Variants in DOCK8 observed in about 807,000 individuals in gnomAD.
The protein encoded by DOCK8 is dedicator of cytokinesis protein 8.
In DOCK8, 141 loss-of-function variants were observed where a neutral mutation model predicts 245.6. That is an observed-to-expected ratio of 0.57 (90% CI 0.50 to 0.66). The LOEUF (loss-of-function observed/expected upper bound fraction) is 0.66, where lower values mean the gene tolerates loss of function less well. Among genes scored for constraint, DOCK8 ranks in the 30% least tolerant of loss-of-function variants. The pLI is 0.00. For missense variants in DOCK8, 2,965 were observed against 2,603.4 expected (o/e 1.14, Z -3.02); for synonymous variants, 1,168 against 970.2 (o/e 1.20, Z -3.79).
intron 1 of DOCK8, among the ~76,000 whole-genome samples, chr9:263,302 A>G (rs964593509): frequency 4.0e-5 from 6 of 151,484 alleles, no homozygotes; most frequent in African/African-American, 1.2e-4. Flanking sequence ...TCTTGTTGCT[A>G]TAGTCATTAC....
intron 26 of DOCK8, among the ~76,000 whole-genome samples, chr9:400,031 T>TCAC (rs1254405677): frequency 6.8e-5 from 4 of 58,548 alleles, no homozygotes; most frequent in Non-Finnish European, 9.4e-5. Context: ...ACCTCCACCA[T>TCAC]CACCACCACC....
chr9:369,441 C>G (rs2053179356), intron 15 of DOCK8: 1 of 152,292 alleles, frequency 6.6e-6, no homozygotes, highest in Admixed American at 6.5e-5. Context: ...TTTTTCTCTG[C>G]ACAAAGGTGA....
At chr9:403,892 C>CTCTCTCTA (rs1362630372) in intron 26 of DOCK8, among the ~76,000 whole-genome samples, 4 of 73,750 alleles carry the variant, frequency 5.4e-5, no homozygotes, top group Non-Finnish European at 6.8e-5. Context: ...CTCTCTCTCT[C>CTCTCTCTA]TATATATATA....
intron 15 of DOCK8, 118 bp from the exon 16 acceptor site, chr9:370,112 C>G (rs2053216633): frequency 1.1e-6 from 1 of 902,274 alleles, no homozygotes; most frequent in Non-Finnish European, 1.8e-6. Context: ...CAACCCAGCA[C>G]TCTTAATTGT....
intron 23 of DOCK8, among the ~76,000 whole-genome samples, chr9:387,011 A>T (rs953537316): frequency 6.6e-6 from 1 of 152,162 alleles, no homozygotes; most frequent in Non-Finnish European, 1.5e-5. Flanking sequence ...AAATTCCCCA[A>T]TCATAGTCCC....
intron 24 of DOCK8, among the ~76,000 whole-genome samples, chr9:392,247 A>G (rs1037326963): frequency 2.6e-5 from 4 of 152,176 alleles, no homozygotes; most frequent in Non-Finnish European, 5.9e-5. Flanking sequence ...ATGCTGAACA[A>G]TAGGACACAG....
intron 1 of DOCK8, among the ~76,000 whole-genome samples, chr9:230,491 G>A (rs2047088940): frequency 6.6e-6 from 1 of 152,006 alleles, no homozygotes; most frequent in Non-Finnish European, 1.5e-5. Flanking sequence ...CTTCCACAAT[G>A]GTTGAATTAG....
intron 35 of DOCK8, among the ~76,000 whole-genome samples, chr9:429,189 A>T (rs1376620157): frequency 6.6e-6 from 1 of 151,344 alleles, no homozygotes; most frequent in Non-Finnish European, 1.5e-5. Flanking sequence ...CTGGTCTTGA[A>T]CTCCTGACCT....
intron 24 of DOCK8, among the ~76,000 whole-genome samples, chr9:393,931 G>A (rs2054320218): frequency 6.6e-6 from 1 of 152,156 alleles, no homozygotes; most frequent in Non-Finnish European, 1.5e-5. Context: ...ACAGCAGCTG[G>A]CAGAAGCCTT....
At chr9:228,547 T>G (rs961808802) in intron 1 of DOCK8, among the ~76,000 whole-genome samples, 4 of 152,102 alleles carry the variant, frequency 2.6e-5, no homozygotes, top group Non-Finnish European at 5.9e-5. Flanking sequence ...ACAAACCACC[T>G]CCTGTGTGCT....
chr9:290,071 A>G (rs1027588721), intron 4 of DOCK8, among the ~76,000 whole-genome samples: 5 of 150,576 alleles, frequency 3.3e-5, no homozygotes, highest in Non-Finnish European at 7.4e-5. Flanking sequence ...CATTTTTTTT[A>G]TTGCTGAATA....
At chr9:285,929 C>T (rs978801865) in intron 2 of DOCK8, among the ~76,000 whole-genome samples, 3 of 152,150 alleles carry the variant, frequency 2.0e-5, no homozygotes, top group African/African-American at 7.2e-5. Context: ...GCCACCGAAA[C>T]ACTCGGTGTT....
chr9:340,011 CA>C, intron 13 of DOCK8, 147 bp from the exon 14 acceptor site: 1 of 774,780 alleles, frequency 1.3e-6, no homozygotes, highest in Non-Finnish European at 2.1e-6. Context: ...ACACTTTTCT[CA>C]AGCTGTAGGA....
chr9:463,039 C>CAG (rs1455423486), intron 46 of DOCK8, among the ~76,000 whole-genome samples: 1 of 152,182 alleles, frequency 6.6e-6, no homozygotes, highest in Admixed American at 6.5e-5. Context: ...CATAGCAAGT[C>CAG]AGAGGTTCTC....
At position 452,068 on chromosome 9, in the gene DOCK8, T is replaced by C. The variant is rs781098733; in HGVS notation, c.6019T>C (p.Tyr2007His). ...LAEIPADPKL[Y>H]RHHNKLRLCF... ...TGAAATTCCTGCTGATCCAAAACTCTATCGACATCACAACAAGTTGAGGTT... is the reference window on the plus strand; with the variant it reads ...TGAAATTCCTGCTGATCCAAAACTCCATCGACATCACAACAAGTTGAGGTT... Residue 2007 changes from tyrosine (Y) to histidine (H), a missense_variant, in exon 46 of 48, where the codon TAT becomes CAT. Physicochemically the swap from Tyr to His is moderately conservative, Grantham distance 83. This residue lies in a region of DOCK8 where 134 missense variants were observed against 128.1 expected (regional missense o/e 1.05). Coordinates refer to ENST00000432829, the MANE Select transcript of DOCK8 (RefSeq NM_203447.4). 6 of 1,603,892 alleles carry C rather than the reference T, an allele frequency of 3.7e-6. No individual in the cohort carries two copies. The highest frequency in any genetic ancestry group is 5.1e-6 in the Non-Finnish European group (6 of 1,174,600).
intron 1 of DOCK8, among the ~76,000 whole-genome samples, chr9:223,006 G>C (rs780985515): frequency 6.6e-6 from 1 of 152,088 alleles, no homozygotes; most frequent in Non-Finnish European, 1.5e-5. Context: ...ACTTGGATGA[G>C]AGAATAGAGA....
At chr9:237,468 A>T (rs1339934331) in intron 1 of DOCK8, among the ~76,000 whole-genome samples, 1 of 152,232 alleles carries the variant, frequency 6.6e-6, no homozygotes, top group Non-Finnish European at 1.5e-5. Context: ...CAGCCTGGGC[A>T]AAGTGGTGAA....
chr9:440,397 G>A (rs2057057187), intron 40 of DOCK8, among the ~76,000 whole-genome samples: 1 of 152,166 alleles, frequency 6.6e-6, no homozygotes, highest in Non-Finnish European at 1.5e-5. Flanking sequence ...ATATTTAGCT[G>A]ACCCAATTTT....
chr9:418,706 G>T (rs1262316455), intron 30 of DOCK8, among the ~76,000 whole-genome samples: 1 of 152,358 alleles, frequency 6.6e-6, no homozygotes, highest in East Asian at 1.9e-4. Flanking sequence ...AACAGCAAGA[G>T]ATGTGCAGAT....
Sources: allele counts gnomAD v4.1 joint callset (sites outside exome capture counted in the v4.1 genomes callset), GRCh38; gene constraint gnomAD v4.1.1; regional missense constraint gnomAD v4.1.1; transcripts MANE v1.5; gene names NCBI Gene and HGNC (gene_info 2026-07-23, HGNC 2026-07-21).